The following ABHD2 variants were observed in gnomAD, a reference collection of about 807,000 sequenced individuals.
The protein encoded by ABHD2 is abhydrolase domain containing 2, acylglycerol lipase.
Under a neutral mutation model 48.1 loss-of-function variants are expected in ABHD2, and 20 were observed. The observed-to-expected ratio is 0.42, with a 90% CI of 0.29 to 0.60. ABHD2 has a LOEUF of 0.60. ABHD2 is among the 20% of genes least tolerant of loss of function. The pLI is 0.24. For missense variants in ABHD2, 405 were observed against 550.9 expected (o/e 0.74, Z 2.65); for synonymous variants, 209 against 214.2 (o/e 0.98, Z 0.21).
intron 3 of ABHD2, among the ~76,000 whole-genome samples, chr15:89,118,205 A>G (rs572707963): frequency 9.3e-5 from 14 of 151,188 alleles, no homozygotes; most frequent in African/African-American, 2.9e-4. Flanking sequence ...TTTTTTTGAG[A>G]CAGAGTCTCA....
At chr15:89,128,569 C>T (rs1255042487) in intron 3 of ABHD2, among the ~76,000 whole-genome samples, 1 of 152,190 alleles carries the variant, frequency 6.6e-6, no homozygotes, top group Admixed American at 6.5e-5. Flanking sequence ...TCTTGTAACT[C>T]CCAAAAATGA....
At chr15:89,171,503 A>G (rs1320066762) in intron 5 of ABHD2, among the ~76,000 whole-genome samples, 1 of 152,194 alleles carries the variant, frequency 6.6e-6, no homozygotes, top group African/African-American at 2.4e-5. Context: ...AAGCAGTTAC[A>G]TGGATTTAAA....
intron 5 of ABHD2, among the ~76,000 whole-genome samples, chr15:89,163,602 AC>A (rs2050794844): frequency 2.6e-5 from 4 of 152,320 alleles, no homozygotes; most frequent in Admixed American, 2.6e-4. Flanking sequence ...CTTAACCCTA[AC>A]TTAATACCAC....
chr15:89,132,223 C>G (rs1182516555), intron 3 of ABHD2, among the ~76,000 whole-genome samples: 1 of 152,106 alleles, frequency 6.6e-6, no homozygotes, highest in Non-Finnish European at 1.5e-5. Context: ...ATGCAGGGTC[C>G]GCTGTGCAGT....
At chr15:89,041,197 C>G in the ABHD2 span, 36 of 152,386 alleles carry the variant, frequency 2.4e-4, no homozygotes, top group Middle Eastern at 3.4e-3. Flanking sequence ...CATTCTGGAA[C>G]TGGATCCTGC....
rs1040871942 is a variant in ABHD2 at position 89,186,144 on chromosome 15, C to G, written c.815+628C>G. ...ACCTTCCCTGTAGGATGCTTCTGTG[C>G]CTGGGGGATCAGGACTCATTCTTGG... On this transcript the variant is annotated intron_variant, in intron 7 of 10. Transcript: ENST00000352732. This position sits in a 1 kb window ranked among gnomAD's most constrained non-coding sequence, Gnocchi z 4.3. Among the ~76,000 whole-genome samples the G allele has an allele frequency of 4.6e-5, 7 of 152,128 alleles. No individual in the cohort carries two copies. The highest frequency in any genetic ancestry group is 1.7e-4 in the African/African-American group (7 of 41,432).
chr15:89,125,950 G>T (rs74032741), intron 3 of ABHD2, among the ~76,000 whole-genome samples: 36 of 152,224 alleles, frequency 2.4e-4, no homozygotes, highest in African/African-American at 8.4e-4. Flanking sequence ...CTAAAAAAAG[G>T]TTCGGAATCC....
chr15:89,135,858 C>T (rs1158925794), intron 3 of ABHD2: 3 of 701,458 alleles, frequency 4.3e-6, no homozygotes, highest in Non-Finnish European at 5.2e-6. Context: ...CAGAACAGAA[C>T]AGAACAGGAC....
At chr15:89,056,423 G>T in the ABHD2 span, among the ~76,000 whole-genome samples, 8 of 151,996 alleles carry the variant, frequency 5.3e-5, no homozygotes, top group Non-Finnish European at 1.2e-4. Context: ...ATTCCTTCAG[G>T]CACCGGGCAC....
chr15:89,067,848 A>C, the ABHD2 span, among the ~76,000 whole-genome samples: 1 of 152,122 alleles, frequency 6.6e-6, no homozygotes, highest in Non-Finnish European at 1.5e-5. Context: ...GTACCATGAC[A>C]CATTGGGGTC....
At chr15:89,063,845 C>G in the ABHD2 span, among the ~76,000 whole-genome samples, 1 of 152,200 alleles carries the variant, frequency 6.6e-6, no homozygotes, top group Admixed American at 6.5e-5. Flanking sequence ...TTTCCACGGA[C>G]AGGGTGGGTA....
chr15:89,128,730 A>G (rs140344121), intron 3 of ABHD2, among the ~76,000 whole-genome samples: 38 of 152,156 alleles, frequency 2.5e-4, no homozygotes, highest in African/African-American at 8.7e-4. Flanking sequence ...CCAGGTCCCT[A>G]TGCCACGATC....
At chr15:89,045,463 G>A in the ABHD2 span, among the ~76,000 whole-genome samples, 170 of 152,248 alleles carry the variant, frequency 1.1e-3, 2 homozygotes, top group East Asian at 0.03. Context: ...TGATGGGGAT[G>A]GCATTGAATC....
intron 3 of ABHD2, among the ~76,000 whole-genome samples, chr15:89,132,917 G>A (rs780105762): frequency 6.6e-5 from 10 of 152,178 alleles, no homozygotes; most frequent in Non-Finnish European, 1.2e-4. Context: ...CCCACATACC[G>A]TAGGGGAGGG....
chr15:89,140,345 A>C (rs1285860285), intron 3 of ABHD2, among the ~76,000 whole-genome samples: 1 of 152,220 alleles, frequency 6.6e-6, no homozygotes, highest in Non-Finnish European at 1.5e-5. Context: ...CAAATACTGG[A>C]GGTGGCTGTG....
chr15:89,115,114 T>C (rs1212181737), intron 2 of ABHD2, among the ~76,000 whole-genome samples: 1 of 152,202 alleles, frequency 6.6e-6, no homozygotes, highest in Non-Finnish European at 1.5e-5. Context: ...TGCCTGTCTC[T>C]AGCACTGGCT....
chr15:89,152,198 C>G (rs2050603912), intron 4 of ABHD2, among the ~76,000 whole-genome samples: 1 of 151,940 alleles, frequency 6.6e-6, no homozygotes, highest in African/African-American at 2.4e-5. Context: ...GCCTCAGCCT[C>G]CCGAGTAGCT....
the ABHD2 span, among the ~76,000 whole-genome samples, chr15:89,047,594 A>G: frequency 6.7e-6 from 1 of 149,590 alleles, no homozygotes; most frequent in Admixed American, 6.7e-5. Context: ...TATTGGGTGC[A>G]TATATATTTA....
At chr15:89,187,171 A>G (rs553593862) in intron 7 of ABHD2, among the ~76,000 whole-genome samples, 1 of 152,368 alleles carries the variant, frequency 6.6e-6, no homozygotes, top group South Asian at 2.1e-4. Flanking sequence ...CTCTGGTGTC[A>G]AAAGTGACTC....
Sources: gnomAD v4.1 joint callset for allele counts (sites outside exome capture counted in the v4.1 genomes callset) on GRCh38, gnomAD v4.1.1 for gene constraint, Gnocchi (gnomAD v3.1) non-coding constraint, MANE v1.5 for transcripts, NCBI Gene and HGNC (gene_info 2026-07-23, HGNC 2026-07-21) for gene names.